SLC7A1: variants seen among roughly 807,000 people sequenced by gnomAD.
The protein encoded by SLC7A1 is high affinity cationic amino acid transporter 1.
Under a neutral mutation model 53.9 loss-of-function variants are expected in SLC7A1, and 10 were observed. That is an observed-to-expected ratio of 0.19 (90% CI 0.11 to 0.31). The LOEUF is 0.31. SLC7A1 is among the 10% of genes least tolerant of loss of function. The pLI is 1.00. For missense variants in SLC7A1, 525 were observed against 827.2 expected (o/e 0.63, Z 4.48); for synonymous variants, 342 against 338.7 (o/e 1.01, Z -0.11).
At chr13:29,538,359 GAGAAGAGCAGGAAAAGGGCCC>G (rs1194122250) in intron 2 of SLC7A1, among the ~76,000 whole-genome samples, 2 of 152,206 alleles carry the variant, frequency 1.3e-5, no homozygotes, top group African/African-American at 4.8e-5. Flanking sequence ...CCTAGAGTTT[GAGAAGAGCAGGAAAAGGGCCC>G]CTGAGGCCAA....
chr13:29,524,657 A>G (rs1868802388), intron 5 of SLC7A1, among the ~76,000 whole-genome samples: 1 of 152,126 alleles, frequency 6.6e-6, no homozygotes, highest in Non-Finnish European at 1.5e-5. Flanking sequence ...CGGGTCCCAT[A>G]TTTACCAGTA....
rs146750828 is a variant in SLC7A1, at chr13:29,536,101, G to A, written c.88C>T (p.Arg30Cys). 2 of 1,613,966 alleles carry A rather than the reference G, an allele frequency of 1.2e-6. No individual in the cohort carries two copies. The highest frequency in any genetic ancestry group is 1.3e-5 in the African/African-American group (1 of 75,052). ...DCSREETRLS[R>C]CLNTFDLVAL... is the part of the protein sequence containing the mutation. ...ACCAGATCAAAAGTGTTCAGGCAGC[G>A]AGACAGCCGCGTCTCCTCCCGGCTA... is the stretch of plus-strand genomic sequence containing the variant. The change falls in exon 3 of 13, where the codon CGC (arginine) becomes TGC (cysteine). Residue 30 changes from arginine to cysteine, a missense_variant. Arg to Cys is a radical substitution (Grantham distance 180, BLOSUM62 -3). Around this residue, in one of 4 missense-constraint regions of SLC7A1, gnomAD observed 354 missense variants for 587.5 expected, o/e 0.60. Transcript: ENST00000380752.
intron 2 of SLC7A1, among the ~76,000 whole-genome samples, chr13:29,552,717 A>G (rs1186775059): frequency 4.6e-5 from 7 of 152,228 alleles, no homozygotes; most frequent in Non-Finnish European, 1.0e-4. Context: ...TACTTTTAGT[A>G]AATCTATAAT....
chr13:29,531,316 G>GTTTTTTTT, intron 4 of SLC7A1, among the ~76,000 whole-genome samples: 1 of 149,868 alleles, frequency 6.7e-6, no homozygotes. Flanking sequence ...GCAAACTCAC[G>GTTTTTTTT]TTTTTTTTTT....
At chr13:29,524,944 C>T (rs577402589) in intron 5 of SLC7A1, among the ~76,000 whole-genome samples, 1 of 152,294 alleles carries the variant, frequency 6.6e-6, no homozygotes, top group Non-Finnish European at 1.5e-5. Flanking sequence ...AAAACAGTCC[C>T]ATAAATCTGA....
chr13:29,517,267 C>G lies in SLC7A1; in HGVS notation c.1554G>C (p.Arg518Ser), dbSNP rs758432191. The change falls in exon 11 of 13, where the codon AGG becomes AGC. Residue 518 changes from arginine to serine, a missense_variant. Coordinates refer to ENST00000380752, the MANE Select transcript of SLC7A1 (RefSeq NM_003045.5). ...ACAGCGCCCCTTTGGTGAGAGCCTC[C>G]CTTCCAAGCACGGTCACAATGCAGA... ...ITFCIVTVLG[R>S]EALTKGALWA... 23 of 1,613,408 alleles carry G rather than the reference C, an allele frequency of 1.4e-5. No individual in the cohort carries two copies. In the South Asian group the frequency reaches 2.5e-4, roughly 18 times the overall value.
chr13:29,565,019 G>A (rs766889575), intron 1 of SLC7A1, among the ~76,000 whole-genome samples: 44 of 152,194 alleles, frequency 2.9e-4, no homozygotes, highest in Admixed American at 2.0e-3. Flanking sequence ...GCCAGGGGGA[G>A]CTGCTATTTA....
At chr13:29,585,332 G>GGCT (rs749977271) in intron 1 of SLC7A1, among the ~76,000 whole-genome samples, 21 of 152,150 alleles carry the variant, frequency 1.4e-4, no homozygotes, top group Non-Finnish European at 2.4e-4. Flanking sequence ...GGTGAGGTGT[G>GGCT]GCTCATATGT....
intron 2 of SLC7A1, among the ~76,000 whole-genome samples, chr13:29,552,222 T>TACACACACAC (rs34563180): frequency 6.8e-5 from 10 of 146,440 alleles, no homozygotes; most frequent in East Asian, 4.0e-4. Context: ...TGAGGGTCAT[T>TACACACACAC]ACACACACAC....
At chr13:29,557,040 C>T (rs931537032) in intron 1 of SLC7A1, among the ~76,000 whole-genome samples, 1 of 152,218 alleles carries the variant, frequency 6.6e-6, no homozygotes, top group African/African-American at 2.4e-5. Flanking sequence ...GACTGGAATG[C>T]ATAGCAAATA....
chr13:29,543,844 G>T (rs747378433), intron 2 of SLC7A1, among the ~76,000 whole-genome samples: 9 of 152,066 alleles, frequency 5.9e-5, no homozygotes, highest in Non-Finnish European at 1.3e-4. Flanking sequence ...AGGACAGAGT[G>T]GGGGAGAGGC....
At chr13:29,560,050 C>A (rs1344412130) in intron 1 of SLC7A1, among the ~76,000 whole-genome samples, 2 of 152,172 alleles carry the variant, frequency 1.3e-5, no homozygotes, top group African/African-American at 4.8e-5. Context: ...CATAATAACA[C>A]AGCTTAAAAC....
intron 1 of SLC7A1, among the ~76,000 whole-genome samples, chr13:29,573,054 T>C (rs1162359276): frequency 6.6e-6 from 1 of 152,162 alleles, no homozygotes; most frequent in African/African-American, 2.4e-5. Context: ...CTGGAGAGAA[T>C]AATGTCACGA....
At chr13:29,548,784 G>A (rs1012653871) in intron 2 of SLC7A1, among the ~76,000 whole-genome samples, 3 of 152,128 alleles carry the variant, frequency 2.0e-5, no homozygotes, top group Non-Finnish European at 2.9e-5. Flanking sequence ...TTTGTTCCCC[G>A]GTCCCTGTTT....
rs1246650103 is a variant in SLC7A1, at chr13:29,514,321, G to A, written c.*159C>T. 7 of 611,152 alleles carry A rather than the reference G, an allele frequency of 1.1e-5. No homozygotes were observed. Among genetic ancestry groups the A allele is most frequent in the Non-Finnish European group, 1.8e-5 (6 of 340,346 alleles). 37.9% of individuals were successfully genotyped at this position (611,152 alleles called of 1,614,324 possible). A position where few individuals can be genotyped will look rare whatever the true frequency, so the allele number is the denominator to read the frequency against. The stretch of plus-strand genomic sequence containing the variant: ...CGGAGAACCGGCTGCAGAGCCGAGG[G>A]TGGGCTGGGGCTGCAGGTCAAGTAA... On this transcript the variant is annotated 3_prime_UTR_variant, in exon 13 of 13. Coordinates refer to ENST00000380752, the MANE Select transcript of SLC7A1 (RefSeq NM_003045.5).
chr13:29,549,733 C>T (rs997018077), intron 2 of SLC7A1, among the ~76,000 whole-genome samples: 5 of 152,206 alleles, frequency 3.3e-5, no homozygotes, highest in Admixed American at 6.5e-5. Context: ...GGCACCATCT[C>T]GGCTCACTGT....
chr13:29,530,649 A>C lies in SLC7A1; in HGVS notation c.593T>G (p.Val198Gly). ...CACCATTATGAAGCCCAGGACCAGGACGTTAATACAAGTGAATATTTTGTT... is the reference window on the plus strand; with the variant it reads ...CACCATTATGAAGCCCAGGACCAGGCCGTTAATACAAGTGAATATTTTGTT... ...MVNKIFTCIN[V>G]LVLGFIMVSG... The change falls in exon 5 of 13, where the codon GTC becomes GGC. Residue 198 changes from valine (V) to glycine (G), a missense_variant. Physicochemically the swap from Val to Gly is moderately radical, Grantham distance 109 (BLOSUM62 -3). Coordinates refer to ENST00000380752, the MANE Select transcript of SLC7A1 (RefSeq NM_003045.5). The C allele has an allele frequency of 6.2e-7, 1 of 1,614,128 alleles. No individual in the cohort carries two copies. Among genetic ancestry groups the C allele is most frequent in the Non-Finnish European group, 8.5e-7 (1 of 1,179,986 alleles).
intron 1 of SLC7A1, among the ~76,000 whole-genome samples, chr13:29,584,118 T>C (rs879291363): frequency 0.14 from 15,207 of 110,568 alleles, 968 homozygotes; most frequent in Non-Finnish European, 0.24. Context: ...ACTTTTTTTT[T>C]CTTTTTTTTT....
intron 3 of SLC7A1, among the ~76,000 whole-genome samples, chr13:29,535,262 T>C (rs989760449): frequency 6.6e-6 from 1 of 152,248 alleles, no homozygotes; most frequent in Non-Finnish European, 1.5e-5. Context: ...TATATAAATC[T>C]ATACAATGGT....
Sources: allele counts gnomAD v4.1 joint callset (sites outside exome capture counted in the v4.1 genomes callset), GRCh38; gene constraint gnomAD v4.1.1; regional missense constraint gnomAD v4.1.1; transcripts MANE v1.5; gene names NCBI Gene and HGNC (gene_info 2026-07-23, HGNC 2026-07-21).